LHFPL6: variants seen among roughly 807,000 people sequenced by gnomAD.
LHFPL6 encodes the protein LHFPL tetraspan subfamily member 6 protein.
A neutral mutation model predicts 20.6 loss-of-function variants in LHFPL6; 9 were observed. The ratio of observed to expected loss-of-function variants is 0.44; its 90% confidence interval spans 0.26 to 0.76. LHFPL6 has a LOEUF of 0.76. Ranked by LOEUF, LHFPL6 falls within the 30% of genes least tolerant of loss-of-function variation. The pLI is 0.20. For missense variants in LHFPL6, 218 were observed against 253.5 expected, an observed-to-expected ratio of 0.86 and a Z score of 0.95; for synonymous variants, 105 against 98.7, an observed-to-expected ratio of 1.06 and a Z score of -0.38.
intron 2 of LHFPL6, among the ~76,000 whole-genome samples, chr13:39,492,610 C>CA (rs529464316): frequency 1.2e-3 from 185 of 151,454 alleles, no homozygotes; most frequent in African/African-American, 4.0e-3. Flanking sequence ...ATATTTTTTC[C>CA]AAAAAAAGGT....
intron 2 of LHFPL6, among the ~76,000 whole-genome samples, chr13:39,460,973 C>T (rs1052494458): frequency 6.6e-6 from 1 of 152,122 alleles, no homozygotes; most frequent in African/African-American, 2.4e-5. Context: ...GTTTTTCAAT[C>T]CTCACCCTCC....
At chr13:39,476,011 T>C (rs1338394634) in intron 2 of LHFPL6, among the ~76,000 whole-genome samples, 1 of 152,230 alleles carries the variant, frequency 6.6e-6, no homozygotes, top group African/African-American at 2.4e-5. Context: ...GTCCTGACTA[T>C]ATATTAGCAG....
chr13:39,533,724 T>C (rs1268285663), intron 2 of LHFPL6, among the ~76,000 whole-genome samples: 1 of 152,224 alleles, frequency 6.6e-6, no homozygotes, highest in East Asian at 1.9e-4. Context: ...CCTATTTCTA[T>C]GGCAGATTGG....
At chr13:39,589,172 C>T (rs1462517944) in intron 2 of LHFPL6, among the ~76,000 whole-genome samples, 1 of 152,048 alleles carries the variant, frequency 6.6e-6, no homozygotes, top group South Asian at 2.1e-4. Context: ...AGTGGCGCCA[C>T]CTCGGTTCAC....
chr13:39,394,946 C>T (rs772018250), intron 2 of LHFPL6, among the ~76,000 whole-genome samples: 2 of 152,138 alleles, frequency 1.3e-5, no homozygotes, highest in African/African-American at 2.4e-5. Context: ...GACTATATCA[C>T]ATTCAAAAAG....
At chr13:39,536,510 C>A (rs577262107) in intron 2 of LHFPL6, among the ~76,000 whole-genome samples, 1 of 152,084 alleles carries the variant, frequency 6.6e-6, no homozygotes, top group Admixed American at 6.5e-5. Flanking sequence ...GCTCTCCTAA[C>A]GCGCAGCTCC....
intron 3 of LHFPL6, among the ~76,000 whole-genome samples, chr13:39,352,972 C>CACACATATATATATAT (rs1555257725): frequency 2.9e-5 from 2 of 69,134 alleles, no homozygotes; most frequent in Non-Finnish European, 4.9e-5. Flanking sequence ...CACACACACA[C>CACACATATATATATAT]ATATATATAT....
At chr13:39,540,212 T>G (rs1037848177) in intron 2 of LHFPL6, among the ~76,000 whole-genome samples, 1 of 152,070 alleles carries the variant, frequency 6.6e-6, no homozygotes, top group Non-Finnish European at 1.5e-5. Flanking sequence ...AGCCACAATT[T>G]TCATGATAAT....
At chr13:39,414,597 T>C (rs1871305521) in intron 2 of LHFPL6, among the ~76,000 whole-genome samples, 1 of 152,202 alleles carries the variant, frequency 6.6e-6, no homozygotes, top group African/African-American at 2.4e-5. Flanking sequence ...TTTTCACTTC[T>C]TCTTCTTATT....
At chr13:39,453,392 C>T (rs767861815) in intron 2 of LHFPL6, among the ~76,000 whole-genome samples, 1 of 152,108 alleles carries the variant, frequency 6.6e-6, no homozygotes, top group Non-Finnish European at 1.5e-5. Flanking sequence ...CTGTGAGTAG[C>T]CTTGAAGTAT....
At chr13:39,464,021 C>A (rs959046122) in intron 2 of LHFPL6, among the ~76,000 whole-genome samples, 4 of 152,144 alleles carry the variant, frequency 2.6e-5, no homozygotes, top group African/African-American at 9.7e-5. Context: ...AATTTGGAGC[C>A]ATAACTCATA....
intron 3 of LHFPL6, among the ~76,000 whole-genome samples, chr13:39,347,944 T>C (rs1326207891): frequency 1.3e-5 from 2 of 152,218 alleles, no homozygotes; most frequent in East Asian, 1.9e-4. Context: ...AAGTAGAGTA[T>C]ATAATTCTTT....
At chr13:39,415,594 C>T (rs1042111892) in intron 2 of LHFPL6, among the ~76,000 whole-genome samples, 3 of 152,150 alleles carry the variant, frequency 2.0e-5, no homozygotes, top group East Asian at 3.9e-4. Context: ...AGAAGCATCC[C>T]GGTGCCCCAC....
chr13:39,516,089 C>T (rs1322261592), intron 2 of LHFPL6, among the ~76,000 whole-genome samples: 1 of 152,170 alleles, frequency 6.6e-6, no homozygotes, highest in Non-Finnish European at 1.5e-5. Flanking sequence ...AGGCTAATTA[C>T]GAGTTCCTAT....
Position 39,569,458 on chromosome 13 carries a change from C to A in LHFPL6, c.385+31374G>T, listed in dbSNP as rs552086894. On this transcript the variant is annotated intron_variant, in intron 2 of 3. Coordinates refer to ENST00000379589, the MANE Select transcript of LHFPL6 (RefSeq NM_005780.3). ...AATGTTAGTTTTTGGAAATACAGGT[C>A]AATAATTTTATGTTGAGAACCTGAA... Among the ~76,000 whole-genome samples, 33 of 152,034 alleles carry A rather than the reference C, an allele frequency of 2.2e-4. 1 individual carries two copies. In the South Asian group the frequency reaches 6.3e-3, roughly 29 times the overall value.
At chr13:39,574,437 C>T (rs1593370097) in intron 2 of LHFPL6, among the ~76,000 whole-genome samples, 2 of 147,828 alleles carry the variant, frequency 1.4e-5, no homozygotes, top group Admixed American at 6.9e-5. Context: ...GAGCTGAGAT[C>T]GTGCCACTGC....
chr13:39,376,654 T>C (rs553317181), intron 3 of LHFPL6, among the ~76,000 whole-genome samples: 3 of 152,288 alleles, frequency 2.0e-5, no homozygotes, highest in Middle Eastern at 3.4e-3. Context: ...TTTTTTTTCA[T>C]AGATGTTCTA....
chr13:39,557,651 A>G (rs762926727), intron 2 of LHFPL6, among the ~76,000 whole-genome samples: 3 of 152,254 alleles, frequency 2.0e-5, no homozygotes, highest in Non-Finnish European at 4.4e-5. Context: ...GGCCACATGC[A>G]GAAAGATATT....
intron 2 of LHFPL6, among the ~76,000 whole-genome samples, chr13:39,488,739 G>A (rs1382081441): frequency 6.6e-6 from 1 of 152,158 alleles, no homozygotes; most frequent in Non-Finnish European, 1.5e-5. Flanking sequence ...ATGAAGCAAA[G>A]TACATCGCTC....
Sources: allele counts gnomAD v4.1 joint callset (sites outside exome capture counted in the v4.1 genomes callset), GRCh38; gene constraint gnomAD v4.1.1; transcripts MANE v1.5; gene names NCBI Gene and HGNC (gene_info 2026-07-23, HGNC 2026-07-21).